Variants in CERKL observed in about 807,000 individuals in gnomAD.
The protein encoded by CERKL is CERK like autophagy regulator.
CERKL carries 61 observed loss-of-function variants against 63.4 expected under a neutral mutation model. The ratio of observed to expected loss-of-function variants is 0.96; its 90% confidence interval spans 0.78 to 1.19. The LOEUF is 1.19. Among genes scored for constraint, CERKL ranks in the 50% most tolerant of loss-of-function variants. The probability of loss-of-function intolerance (pLI) is 0.00; values close to 1 mark genes in which losing one functional copy is unlikely to be tolerated. For synonymous variants in CERKL, 250 were observed against 230.5 expected (o/e 1.08, Z -0.77); for missense variants, 675 against 655.5 (o/e 1.03, Z -0.33).
intron 1 of CERKL, among the ~76,000 whole-genome samples, chr2:181,647,997 T>C (rs1247695715): frequency 6.6e-6 from 1 of 151,838 alleles, no homozygotes; most frequent in African/African-American, 2.4e-5. Flanking sequence ...AATTTCAAAA[T>C]CTGAAAATAG....
At chr2:181,560,362 C>A (rs1688386570) in intron 4 of CERKL, among the ~76,000 whole-genome samples, 1 of 152,176 alleles carries the variant, frequency 6.6e-6, no homozygotes, top group Non-Finnish European at 1.5e-5. Context: ...ATTATAGCGT[C>A]ATGCATATGT....
intron 3 of CERKL, among the ~76,000 whole-genome samples, chr2:181,569,780 A>G (rs1449254): frequency 0.39 from 59,607 of 152,028 alleles, 12,490 homozygotes; most frequent in African/African-American, 0.53. Flanking sequence ...ATCTCTCTTC[A>G]AATATCTCAA....
intron 1 of CERKL, among the ~76,000 whole-genome samples, chr2:181,650,410 AAC>A (rs1391323054): frequency 5.9e-5 from 9 of 152,224 alleles, no homozygotes; most frequent in Admixed American, 5.2e-4. Context: ...CAAAAAAGAC[AAC>A]AGATTTCTGA....
At chr2:181,651,334 G>A (rs1431596845) in intron 1 of CERKL, among the ~76,000 whole-genome samples, 2 of 152,150 alleles carry the variant, frequency 1.3e-5, no homozygotes, top group African/African-American at 2.4e-5. Flanking sequence ...ATTCAAGTGC[G>A]ATTCATCACT....
At chr2:181,639,181 T>C (rs1262528200) in intron 1 of CERKL, among the ~76,000 whole-genome samples, 1 of 152,162 alleles carries the variant, frequency 6.6e-6, no homozygotes, top group Non-Finnish European at 1.5e-5. Flanking sequence ...TTTTAGAAAA[T>C]CTTTATCTCC....
intron 1 of CERKL, chr2:181,649,731 T>C (rs1336204294): frequency 6.6e-6 from 1 of 152,154 alleles, no homozygotes; most frequent in Non-Finnish European, 1.5e-5. Context: ...ACCACAGCGT[T>C]ATAATACTAG....
At chr2:181,588,921 T>C (rs1313522160) in intron 2 of CERKL, among the ~76,000 whole-genome samples, 2 of 152,188 alleles carry the variant, frequency 1.3e-5, no homozygotes, top group Non-Finnish European at 2.9e-5. Context: ...TCATTTTTTA[T>C]TCATGTTATT....
At chr2:181,638,708 C>T (rs1469328931) in intron 1 of CERKL, among the ~76,000 whole-genome samples, 1 of 152,150 alleles carries the variant, frequency 6.6e-6, no homozygotes, top group Non-Finnish European at 1.5e-5. Flanking sequence ...GAGTTGAGGT[C>T]CTACATTTCC....
intron 2 of CERKL, among the ~76,000 whole-genome samples, chr2:181,591,497 T>C (rs1030077980): frequency 3.9e-5 from 6 of 152,204 alleles, no homozygotes; most frequent in East Asian, 1.9e-4. Context: ...AACACAATAC[T>C]TGAAATATAT....
In CERKL at chr2:181,537,686, T is replaced by C. The variant is rs768225177; in HGVS notation, c.*498A>G. ...ATTTCAGAATTATCTAGGTTAAATA[T>C]TGATGTATTATGATGGTTGCAAAGT... On this transcript the variant is annotated 3_prime_UTR_variant, in exon 13 of 13. Coordinates refer to ENST00000410087, the MANE Select transcript of CERKL (RefSeq NM_201548.5). The C allele has an allele frequency of 4.6e-5, 20 of 432,680 alleles. No homozygotes were observed. The highest frequency in any genetic ancestry group is 1.3e-4 in the South Asian group (8 of 59,704). 26.8% of individuals were successfully genotyped at this position (432,680 alleles called of 1,614,324 possible).
At chr2:181,548,259 GA>G in intron 8 of CERKL, 1 of 512,248 alleles carries the variant, frequency 2.0e-6, no homozygotes, top group Non-Finnish European at 3.4e-6. Flanking sequence ...GAAAGAAAGG[GA>G]AAAAAACAAA....
chr2:181,627,582 C>A (rs1173325864), intron 1 of CERKL, among the ~76,000 whole-genome samples: 1 of 152,144 alleles, frequency 6.6e-6, no homozygotes, highest in African/African-American at 2.4e-5. Flanking sequence ...TTTACCAATT[C>A]CAACCCAGGA....
chr2:181,563,424 T>C (rs867965662), intron 4 of CERKL, among the ~76,000 whole-genome samples: 29 of 152,328 alleles, frequency 1.9e-4, no homozygotes, highest in African/African-American at 7.0e-4. Flanking sequence ...ATACTATACA[T>C]AGAATCTTTC....
intron 2 of CERKL, among the ~76,000 whole-genome samples, chr2:181,595,384 TTGGAGTTC>T (rs773202937): frequency 0.18 from 27,615 of 152,080 alleles, 4,025 homozygotes; most frequent in African/African-American, 0.4. Context: ...CTTCAAGAGT[TTGGAGTTC>T]TGAATCATCA....
At chr2:181,549,866 G>A (rs1687912419) in intron 5 of CERKL, among the ~76,000 whole-genome samples, 158 bp from the exon 6 acceptor site, 1 of 152,086 alleles carries the variant, frequency 6.6e-6, no homozygotes, top group South Asian at 2.1e-4. Context: ...AGAAGTTTAA[G>A]TTCTTATTCA....
chr2:181,537,064 A>T lies in CERKL; in HGVS notation c.*1120T>A, dbSNP rs200634390. 2 of 444,508 alleles carry T rather than the reference A, an allele frequency of 4.5e-6. No homozygotes were observed. Among genetic ancestry groups the T allele is most frequent in the Non-Finnish European group, 9.0e-6 (2 of 221,868 alleles). The allele number at this position is 444,508 out of a possible 1,614,324, so 27.5% of individuals were successfully genotyped here. On this transcript the variant is annotated 3_prime_UTR_variant, in exon 13 of 13. Transcript: ENST00000410087. ...TTTGAGTAGTGAAATGTAAGCACAA[A>T]ACCTCCTGAACCCAGAGTGTGTATA...
chr2:181,551,828 T>A (rs1326340004), intron 5 of CERKL, among the ~76,000 whole-genome samples: 1 of 152,230 alleles, frequency 6.6e-6, no homozygotes, highest in Non-Finnish European at 1.5e-5. Context: ...AAGGTTTGAC[T>A]GCACTTTGAC....
intron 1 of CERKL, among the ~76,000 whole-genome samples, chr2:181,614,365 T>C (rs997697383): frequency 2.6e-5 from 4 of 152,168 alleles, no homozygotes; most frequent in African/African-American, 9.7e-5. Context: ...ATGGGAAACA[T>C]AATTAAAGAG....
intron 1 of CERKL, among the ~76,000 whole-genome samples, chr2:181,625,724 G>A (rs567448388): frequency 3.3e-5 from 5 of 152,200 alleles, no homozygotes; most frequent in Non-Finnish European, 5.9e-5. Flanking sequence ...TGAGCCTGAC[G>A]GGTCATTCCT....
Sources: gnomAD v4.1 joint callset for allele counts (sites outside exome capture counted in the v4.1 genomes callset) on GRCh38, gnomAD v4.1.1 for gene constraint, MANE v1.5 for transcripts, NCBI Gene and HGNC (gene_info 2026-07-23, HGNC 2026-07-21) for gene names.